TAMM41: variants seen among roughly 807,000 people sequenced by gnomAD.
The protein encoded by TAMM41 is phosphatidate cytidylyltransferase, mitochondrial.
Under a neutral mutation model 44.1 loss-of-function variants are expected in TAMM41, and 36 were observed. The observed-to-expected ratio is 0.82, with a 90% CI of 0.63 to 1.08. The LOEUF (loss-of-function observed/expected upper bound fraction) is 1.08, where lower values mean the gene tolerates loss of function less well. Among genes scored for constraint, TAMM41 ranks in the 50% least tolerant of loss-of-function variants. The pLI, the probability that TAMM41 is intolerant of heterozygous loss-of-function variation, is 0.00. For synonymous variants in TAMM41, 164 were observed against 153.1 expected, an observed-to-expected ratio of 1.07 and a Z score of -0.53; for missense variants, 417 against 404.3, an observed-to-expected ratio of 1.03 and a Z score of -0.27.
the TAMM41 span, among the ~76,000 whole-genome samples, chr3:11,777,275 A>G: frequency 6.6e-6 from 1 of 152,188 alleles, no homozygotes; most frequent in Non-Finnish European, 1.5e-5. Context: ...ACTATACTTC[A>G]ATAAAGCCGG....
chr3:11,770,692 C>G, the TAMM41 span, among the ~76,000 whole-genome samples: 117 of 152,190 alleles, frequency 7.7e-4, no homozygotes, highest in Non-Finnish European at 1.4e-3. Context: ...AGCCACATAC[C>G]AGGAAGGTGT....
At chr3:11,817,600 G>A (rs940484844) in intron 4 of TAMM41, among the ~76,000 whole-genome samples, 6 of 152,188 alleles carry the variant, frequency 3.9e-5, no homozygotes, top group Admixed American at 6.5e-5. Context: ...AATCACAAGC[G>A]AGTAGCTAAC....
chr3:11,742,779 G>A, the TAMM41 span, among the ~76,000 whole-genome samples: 1 of 139,264 alleles, frequency 7.2e-6, no homozygotes, highest in African/African-American at 3.3e-5. Context: ...TTTTTTGGTA[G>A]AGACAGGGGT....
the TAMM41 span, among the ~76,000 whole-genome samples, chr3:11,765,451 C>G: frequency 2.6e-5 from 4 of 152,118 alleles, no homozygotes; most frequent in Admixed American, 6.5e-5. Flanking sequence ...GAAATTGAGA[C>G]TCAAATAAGT....
At chr3:11,722,540 G>A in the TAMM41 span, among the ~76,000 whole-genome samples, 1 of 152,084 alleles carries the variant, frequency 6.6e-6, no homozygotes, top group African/African-American at 2.4e-5. Flanking sequence ...ATTACATACA[G>A]CATAATACTC....
At chr3:11,836,488 G>A (rs2125050429) in intron 3 of TAMM41, among the ~76,000 whole-genome samples, 1 of 152,308 alleles carries the variant, frequency 6.6e-6, no homozygotes, top group Non-Finnish European at 1.5e-5. Flanking sequence ...TTTTGAGACA[G>A]AGTCTCGCTT....
At chr3:11,812,909 G>A (rs544710217) in intron 5 of TAMM41, among the ~76,000 whole-genome samples, 3 of 152,256 alleles carry the variant, frequency 2.0e-5, no homozygotes, top group East Asian at 1.9e-4. Context: ...AGGAGTAGCA[G>A]AGATGGGAGA....
intron 5 of TAMM41, 115 bp downstream of exon 5, chr3:11,817,077 T>G: frequency 8.8e-7 from 1 of 1,140,144 alleles, no homozygotes; most frequent in Middle Eastern, 2.1e-4. Flanking sequence ...ATACAGTACT[T>G]ACTTTTTAAA....
At chr3:11,829,027 G>A (rs1310541547) in intron 4 of TAMM41, among the ~76,000 whole-genome samples, 1 of 152,060 alleles carries the variant, frequency 6.6e-6, no homozygotes, top group African/African-American at 2.4e-5. Context: ...GATAGATGGG[G>A]GCTCCTCTGG....
chr3:11,761,296 T>A, the TAMM41 span, among the ~76,000 whole-genome samples: 1 of 152,210 alleles, frequency 6.6e-6, no homozygotes, highest in Admixed American at 6.5e-5. Flanking sequence ...TAATAGACTT[T>A]GGGATCTTGG....
the TAMM41 span, among the ~76,000 whole-genome samples, chr3:11,754,531 A>G: frequency 8.6e-6 from 1 of 116,528 alleles, no homozygotes; most frequent in African/African-American, 3.6e-5. Context: ...CGTCTGGCTG[A>G]TTTTTAAAAA....
intron 7 of TAMM41, among the ~76,000 whole-genome samples, chr3:11,798,931 C>A (rs2077676907): frequency 1.3e-5 from 2 of 152,170 alleles, no homozygotes; most frequent in South Asian, 2.1e-4. Context: ...ATATAATCTC[C>A]TGGCCAGGTG....
chr3:11,784,501 CAA>C, the TAMM41 span, among the ~76,000 whole-genome samples: 1 of 152,070 alleles, frequency 6.6e-6, no homozygotes, highest in Non-Finnish European at 1.5e-5. Flanking sequence ...TCTCAAAAAA[CAA>C]AAGAAACCAA....
chr3:11,728,140 GA>G, the TAMM41 span, among the ~76,000 whole-genome samples: 1 of 152,106 alleles, frequency 6.6e-6, no homozygotes, highest in Non-Finnish European at 1.5e-5. Context: ...CAAAAAAAAA[GA>G]AAGTGAAATT....
At chr3:11,791,698 TA>T (rs2077480998) in intron 7 of TAMM41, among the ~76,000 whole-genome samples, 2 of 152,192 alleles carry the variant, frequency 1.3e-5, no homozygotes, top group Admixed American at 1.3e-4. Flanking sequence ...CTGTTACCTG[TA>T]AACTGCTTAG....
At chr3:11,747,364 T>C in the TAMM41 span, among the ~76,000 whole-genome samples, 3 of 152,204 alleles carry the variant, frequency 2.0e-5, no homozygotes, top group East Asian at 3.9e-4. Flanking sequence ...GCCCGGCCAG[T>C]GTGATGGAAC....
intron 6 of TAMM41, chr3:11,808,767 C>T (rs1315659123): frequency 3.3e-6 from 1 of 302,436 alleles, no homozygotes; most frequent in Non-Finnish European, 4.9e-6. Context: ...GCTCTATCAC[C>T]AAGCCTGGAG....
downstream of TAMM41, among the ~76,000 whole-genome samples, chr3:11,787,066 G>A (rs2077421981): frequency 6.6e-6 from 1 of 152,162 alleles, no homozygotes; most frequent in South Asian, 2.1e-4. Context: ...AATTGATGTT[G>A]GACATCAGCC....
At chr3:11,832,363 C>T (rs1004016365) in intron 3 of TAMM41, among the ~76,000 whole-genome samples, 6 of 151,820 alleles carry the variant, frequency 4.0e-5, no homozygotes, top group Non-Finnish European at 7.4e-5. Flanking sequence ...TGAAGGCAGG[C>T]GAATGATGTG....
Sources: allele counts gnomAD v4.1 joint callset (sites outside exome capture counted in the v4.1 genomes callset), GRCh38; gene constraint gnomAD v4.1.1; transcripts MANE v1.5; gene names NCBI Gene and HGNC (gene_info 2026-07-23, HGNC 2026-07-21).